Variants in MMS22L observed in about 807,000 individuals in gnomAD.
The protein encoded by MMS22L is protein MMS22-like.
In MMS22L, 74 loss-of-function variants were observed where a neutral mutation model predicts 159.1. The observed-to-expected ratio is 0.47, with a 90% CI of 0.39 to 0.56. The LOEUF is 0.56. Among genes scored for constraint, MMS22L ranks in the 20% least tolerant of loss-of-function variants. The pLI is 0.00. For missense variants in MMS22L, 1,351 were observed against 1,422.1 expected (o/e 0.95, Z 0.80); for synonymous variants, 517 against 506.9 (o/e 1.02, Z -0.27).
At chr6:97,224,538 T>A (rs1251799693) in intron 14 of MMS22L, among the ~76,000 whole-genome samples, 2 of 150,278 alleles carry the variant, frequency 1.3e-5, no homozygotes, top group African/African-American at 4.9e-5. Flanking sequence ...ACCTCTCAAA[T>A]CATTTTTTCC....
chr6:97,268,190 CTTTT>C (rs529896058), intron 7 of MMS22L, among the ~76,000 whole-genome samples, 188 bp from the exon 8 acceptor site: 1 of 136,678 alleles, frequency 7.3e-6, no homozygotes, highest in African/African-American at 2.7e-5. Flanking sequence ...TCAAAAGTTT[CTTTT>C]TTTTTTTTTT....
intron 24 of MMS22L, 93 bp downstream of exon 24, chr6:97,149,760 T>A (rs1258363369): frequency 4.7e-6 from 6 of 1,289,244 alleles, no homozygotes; most frequent in Non-Finnish European, 6.2e-6. Context: ...ATACCCAAAT[T>A]TTGGGGAATA....
Position 97,142,880 on chromosome 6 carries a change from C to T in MMS22L, c.*3926G>A, listed in dbSNP as rs1291082716. ...ATAATAGGTAAGGAAAACCCACAAA[C>T]ATCTGACTCACAAATATTTTCTTAT... On this transcript the variant is annotated 3_prime_UTR_variant, in exon 25 of 25. Transcript: ENST00000683635. 6.6e-6 allele frequency: 1 copy of T among 152,226 alleles called. No individual in the cohort carries two copies. Among genetic ancestry groups the T allele is most frequent in the African/African-American group, 2.4e-5 (1 of 41,430 alleles). The allele number at this position is 152,226 out of a possible 1,614,324, so 9.4% of individuals were successfully genotyped here.
chr6:97,230,829 C>T (rs1810782631), intron 13 of MMS22L: 1 of 152,544 alleles, frequency 6.6e-6, no homozygotes, highest in South Asian at 2.1e-4. Context: ...CACTGTGGGA[C>T]TCAAACAGGA....
chr6:97,278,896 T>C lies in MMS22L; in HGVS notation c.293A>G (p.Gln98Arg). ...CAAGGTTTCCAAGTTGTACAGTTGT[T>C]GCCTAATTTTAAAAATGTAAGGTGA... ...SSRELFHLFR[Q>R]QLYNLETLLQ... Residue 98 changes from glutamine (Q) to arginine (R), a missense_variant and splice_region_variant, in exon 4 of 25, where the codon CAA (glutamine) becomes CGA (arginine). Transcript: ENST00000683635. 1 of 1,612,706 alleles carries C rather than the reference T, an allele frequency of 6.2e-7. No individual in the cohort carries two copies. Among genetic ancestry groups the C allele is most frequent in the Non-Finnish European group, 8.5e-7 (1 of 1,179,422 alleles).
intron 24 of MMS22L, among the ~76,000 whole-genome samples, chr6:97,148,123 T>C (rs749449110): frequency 6.4e-4 from 97 of 152,146 alleles, no homozygotes; most frequent in Non-Finnish European, 2.1e-4. Context: ...CCTGGTGATG[T>C]TGTAGCCATT....
intron 19 of MMS22L, among the ~76,000 whole-genome samples, chr6:97,171,525 AAAAAC>A (rs1175486776): frequency 3.9e-5 from 6 of 152,186 alleles, no homozygotes; most frequent in African/African-American, 7.2e-5. Context: ...GAAGAATGAG[AAAAAC>A]AAAACAAAAC....
At chr6:97,173,399 T>C (rs866269881) in intron 18 of MMS22L, among the ~76,000 whole-genome samples, 177 bp from the exon 19 acceptor site, 13 of 152,116 alleles carry the variant, frequency 8.5e-5, no homozygotes, top group African/African-American at 3.1e-4. Flanking sequence ...TAAAAAGAAT[T>C]AAGTCTTGTC....
chr6:97,243,512 C>T (rs1369582202), intron 11 of MMS22L, among the ~76,000 whole-genome samples: 10 of 151,936 alleles, frequency 6.6e-5, no homozygotes, highest in African/African-American at 2.4e-4. Context: ...TTTCTTTAAT[C>T]TGGTTTTCAC....
intron 11 of MMS22L, among the ~76,000 whole-genome samples, chr6:97,238,098 C>T (rs1057383986): frequency 6.6e-6 from 1 of 152,182 alleles, no homozygotes; most frequent in Non-Finnish European, 1.5e-5. Context: ...ATTTCCTAAG[C>T]TAGCTGTGTG....
At chr6:97,186,471 T>C in intron 15 of MMS22L, 26 bp downstream of exon 15, 1 of 1,591,782 alleles carries the variant, frequency 6.3e-7, no homozygotes, top group Non-Finnish European at 8.6e-7. Context: ...AAAAGAGAAA[T>C]TAGCAAATTA....
chr6:97,207,108 A>G (rs976363010), intron 14 of MMS22L, among the ~76,000 whole-genome samples: 1 of 152,194 alleles, frequency 6.6e-6, no homozygotes, highest in Non-Finnish European at 1.5e-5. Context: ...AGAATTCTCT[A>G]TTTTAAATAT....
At chr6:97,165,198 G>GAGCTTAATA in intron 21 of MMS22L, 48 bp downstream of exon 21, 1 of 1,531,076 alleles carries the variant, frequency 6.5e-7, no homozygotes, top group South Asian at 1.1e-5. Context: ...CACTTTAATA[G>GAGCTTAATA]AGCTTAATAA....
At chr6:97,274,758 T>G (rs9372393) in intron 4 of MMS22L, among the ~76,000 whole-genome samples, 55,072 of 151,878 alleles carry the variant, frequency 0.36, 11,433 homozygotes, top group East Asian at 0.79. Flanking sequence ...GGTACAGAAG[T>G]GTCCCTCTGA....
intron 4 of MMS22L, among the ~76,000 whole-genome samples, chr6:97,276,521 C>G (rs1816258450): frequency 6.6e-6 from 1 of 152,172 alleles, no homozygotes; most frequent in South Asian, 2.1e-4. Context: ...AAATCATACT[C>G]TCTGTCATGG....
intron 14 of MMS22L, among the ~76,000 whole-genome samples, chr6:97,221,038 A>C (rs141877985): frequency 6.6e-6 from 1 of 152,046 alleles, no homozygotes; most frequent in Non-Finnish European, 1.5e-5. Context: ...AGCATAACGA[A>C]GAAATGATTA....
At chr6:97,157,012 T>C (rs968365227) in intron 22 of MMS22L, among the ~76,000 whole-genome samples, 3 of 152,158 alleles carry the variant, frequency 2.0e-5, no homozygotes, top group Non-Finnish European at 4.4e-5. Context: ...CAGTGGTTTG[T>C]AGTTCTCCTT....
intron 9 of MMS22L, among the ~76,000 whole-genome samples, chr6:97,258,345 T>C (rs1018169928): frequency 2.0e-5 from 3 of 152,194 alleles, no homozygotes; most frequent in Non-Finnish European, 4.4e-5. Context: ...ATGTTTACTT[T>C]CCATGCTTCA....
At chr6:97,244,050 C>A (rs1318673947) in intron 11 of MMS22L, among the ~76,000 whole-genome samples, 2 of 152,148 alleles carry the variant, frequency 1.3e-5, no homozygotes, top group Non-Finnish European at 2.9e-5. Flanking sequence ...GCTGGTTATG[C>A]TAGCAGTGAA....
Sources: gnomAD v4.1 joint callset for allele counts (sites outside exome capture counted in the v4.1 genomes callset) on GRCh38, gnomAD v4.1.1 for gene constraint, MANE v1.5 for transcripts, NCBI Gene and HGNC (gene_info 2026-07-23, HGNC 2026-07-21) for gene names.